NUP155: variants seen among roughly 807,000 people sequenced by gnomAD.
NUP155 encodes nucleoporin 155.
NUP155 carries 71 observed loss-of-function variants against 180.4 expected under a neutral mutation model. The ratio of observed to expected loss-of-function variants is 0.39; its 90% CI spans 0.33 to 0.48. NUP155 has a LOEUF of 0.48. Ranked by LOEUF, NUP155 falls within the 20% of genes least tolerant of loss-of-function variation. The pLI is 0.91. For missense variants in NUP155, 1,553 were observed against 1,648.9 expected, an observed-to-expected ratio of 0.94 and a Z score of 1.01; for synonymous variants, 582 against 559.5, an observed-to-expected ratio of 1.04 and a Z score of -0.57.
chr5:37,338,830 A>T lies in NUP155; in HGVS notation c.1247-912T>A, dbSNP rs962718971. On this transcript the variant is annotated intron_variant, in intron 11 of 34. Coordinates refer to ENST00000231498, the MANE Select transcript of NUP155 (RefSeq NM_153485.3). ...TAAACTGTATTTCTCTCAGATAAACATTTTTTTTTCACATTTTAGCATTTC... is the reference window on the plus strand; with the variant it reads ...TAAACTGTATTTCTCTCAGATAAACTTTTTTTTTTCACATTTTAGCATTTC... Among the ~76,000 whole-genome samples the T allele has an allele frequency of 2.0e-5, 3 of 151,182 alleles. No individual in the cohort carries two copies. The East Asian group carries it at 5.8e-4, about 29-fold the overall frequency.
At chr5:37,312,739 G>C (rs1743605137) in intron 22 of NUP155, among the ~76,000 whole-genome samples, 1 of 152,162 alleles carries the variant, frequency 6.6e-6, no homozygotes, top group African/African-American at 2.4e-5. Flanking sequence ...TAAAGTAGGA[G>C]AATCACTGGA....
chr5:37,361,608 T>C (rs968060036), intron 3 of NUP155, among the ~76,000 whole-genome samples: 6 of 152,136 alleles, frequency 3.9e-5, no homozygotes, highest in African/African-American at 1.2e-4. Context: ...GCTGAGATAT[T>C]TGGGGGTTAG....
In NUP155 at chr5:37,358,941, C is replaced by G. The variant is rs377154693; in HGVS notation, c.393-790G>C. Among the ~76,000 whole-genome samples, 63 of 149,488 alleles carry G rather than the reference C, an allele frequency of 4.2e-4. 1 individual carries two copies. The East Asian group carries it at 0.012, about 30-fold the overall frequency. On this transcript the variant is annotated intron_variant, in intron 3 of 34. Transcript: ENST00000231498. ...GTGAGGCAGGAGAATCACTTGAACC[C>G]GGGAGGCAGAGTTGCAGTGAGCCGA...
intron 9 of NUP155, among the ~76,000 whole-genome samples, chr5:37,348,166 T>C (rs1209347135): frequency 1.3e-5 from 2 of 152,000 alleles, no homozygotes; most frequent in Non-Finnish European, 2.9e-5. Context: ...TAGCCAGGCA[T>C]GGTGGCAGGC....
At position 37,330,054 on chromosome 5, in the gene NUP155, T is replaced by C; in HGVS notation, c.1708A>G (p.Thr570Ala). The change falls in exon 15 of 35, where the codon ACT becomes GCT. Residue 570 changes from threonine (T) to alanine (A), a missense_variant. Transcript: ENST00000231498. ...ACDREVSAWA[T>A]RAFFRYGGEA... ...TTCACATACCTAAAGAAAGCCCGAG[T>C]AGCCCAGGCAGATACTTCTCTATCA... 1 of 1,612,920 alleles carries C rather than the reference T, an allele frequency of 6.2e-7. No individual in the cohort carries two copies. Among genetic ancestry groups the C allele is most frequent in the Non-Finnish European group, 8.5e-7 (1 of 1,179,218 alleles).
chr5:37,303,321 C>T lies in NUP155; in HGVS notation c.3256G>A (p.Glu1086Lys), dbSNP rs774103498. 8.7e-6 allele frequency: 14 copies of T among 1,613,992 alleles called. No individual in the cohort carries two copies. The highest frequency in any genetic ancestry group is 5.0e-5 in the Admixed American group (3 of 60,002). ...GCATTACTGAAACTTCTGTTCTTCTCGTAATACCGCCAGAGTAAATCCATA... is the reference window on the plus strand; with the variant it reads ...GCATTACTGAAACTTCTGTTCTTCTTGTAATACCGCCAGAGTAAATCCATA... ...RYMDLLWRYY[E>K]KNRSFSNAAR... The change falls in exon 28 of 35, where the codon GAG (glutamate) becomes AAG (lysine). Residue 1086 changes from glutamate to lysine, a missense_variant. Physicochemically the swap from Glu to Lys is moderately conservative, Grantham distance 56. Coordinates refer to ENST00000231498, the MANE Select transcript of NUP155 (RefSeq NM_153485.3).
chr5:37,348,267 G>C (rs985174997), intron 9 of NUP155, among the ~76,000 whole-genome samples: 1 of 152,002 alleles, frequency 6.6e-6, no homozygotes, highest in Non-Finnish European at 1.5e-5. Flanking sequence ...TTGTGTCACT[G>C]CACTCCAGCC....
At position 37,328,367 on chromosome 5, in the gene NUP155, G is replaced by C; in HGVS notation, c.1867C>G (p.Pro623Ala). Residue 623 changes from proline (P) to alanine (A), a missense_variant, in exon 17 of 35, where the codon CCG (proline) becomes GCG (alanine). Transcript: ENST00000231498. ...CAAAGAAAAGAGGTACCATGAGACG[G>C]TGTTCCCAAAAAGGATGGATTTGGA... ...PYPNPSFLGT[P>A]SHGIQPPAMS... The C allele has an allele frequency of 1.0e-5, 16 of 1,607,902 alleles. No individual in the cohort carries two copies. Among genetic ancestry groups the C allele is most frequent in the Non-Finnish European group, 1.4e-5 (16 of 1,174,434 alleles).
chr5:37,299,554 A>G lies in NUP155; in HGVS notation c.3576T>C (p.Phe1192=). 6.2e-7 allele frequency: 1 copy of G among 1,614,102 alleles called. No homozygotes were observed. Among genetic ancestry groups the G allele is most frequent in the African/African-American group, 1.3e-5 (1 of 75,052 alleles). Residue 1192 remains phenylalanine, a synonymous_variant, in exon 31 of 35, where the codon TTT becomes TTC. Coordinates refer to ENST00000231498, the MANE Select transcript of NUP155 (RefSeq NM_153485.3). Reference sequence around the variant, plus strand: ...ACTCTGCAAGTTTAAATGGGTCAGCAAATTCCCCATAAAGCTGTGAGAGAA... The same window carrying G: ...ACTCTGCAAGTTTAAATGGGTCAGCGAATTCCCCATAAAGCTGTGAGAGAA... ...LMDITKLYGE[F]ADPFKLAECK...
chr5:37,307,417 C>T lies in NUP155; in HGVS notation c.2783G>A (p.Gly928Asp). ...AGCCGTAAGAGAAAGTTCCACCACA[C>T]CCTCATAAAATCTCACTGATGGGAA... ...AQYRQVRFYE[G>D]VVELSLTAAE... The change falls in exon 25 of 35, where the codon GGT (glycine) becomes GAT (aspartate). Residue 928 changes from glycine (G) to aspartate (D), a missense_variant. Physicochemically the swap from Gly to Asp is moderately conservative, Grantham distance 94. Transcript: ENST00000231498. 1 of 1,613,938 alleles carries T rather than the reference C, an allele frequency of 6.2e-7. No individual in the cohort carries two copies. The highest frequency in any genetic ancestry group is 8.5e-7 in the Non-Finnish European group (1 of 1,179,954).
chr5:37,332,859 ATG>A (rs1364100258), intron 13 of NUP155, among the ~76,000 whole-genome samples: 5 of 149,872 alleles, frequency 3.3e-5, no homozygotes, highest in Non-Finnish European at 7.4e-5. Flanking sequence ...CAGGAGGCTG[ATG>A]TGGGAGGATC....
At chr5:37,300,008 ACT>A (rs796627132) in intron 30 of NUP155, among the ~76,000 whole-genome samples, 3 of 143,160 alleles carry the variant, frequency 2.1e-5, no homozygotes, top group Admixed American at 7.4e-5. Context: ...ACAGAGAAAG[ACT>A]CTGTCTCCCC....
Position 37,368,371 on chromosome 5 carries a change from C to T in NUP155, c.157+2450G>A, listed in dbSNP as rs1346585589. Among the ~76,000 whole-genome samples, 7 of 151,934 alleles carry T rather than the reference C, an allele frequency of 4.6e-5. No individual in the cohort carries two copies. The East Asian group carries it at 9.7e-4, about 21-fold the overall frequency. ...AGTAGCTGGGGGTCCAAGTGTGTGTCACCATGCCAAGCTAATTTTTGTATT... is the reference window on the plus strand; with the variant it reads ...AGTAGCTGGGGGTCCAAGTGTGTGTTACCATGCCAAGCTAATTTTTGTATT... On this transcript the variant is annotated intron_variant, in intron 1 of 34. Coordinates refer to ENST00000231498, the MANE Select transcript of NUP155 (RefSeq NM_153485.3).
At chr5:37,357,201 T>A (rs1746883805) in intron 4 of NUP155, among the ~76,000 whole-genome samples, 2 of 149,742 alleles carry the variant, frequency 1.3e-5, no homozygotes, top group Non-Finnish European at 1.5e-5. Flanking sequence ...AGCACAGGAG[T>A]TCAAGACCAG....
Position 37,364,142 on chromosome 5 carries a change from C to G in NUP155, c.295+105G>C. 5 of 1,146,396 alleles carry G rather than the reference C, an allele frequency of 4.4e-6. No individual in the cohort carries two copies. In the South Asian group the frequency reaches 5.2e-5, roughly 12 times the overall value. 71.0% of individuals were successfully genotyped at this position (1,146,396 alleles called of 1,614,324 possible). ...TACTTAAACGAATTTTAAATAAAAC[C>G]CTTAAATGAATATATAACACATTAA... On this transcript the variant is annotated intron_variant, in intron 2 of 34. Coordinates refer to ENST00000231498, the MANE Select transcript of NUP155 (RefSeq NM_153485.3).
Position 37,307,293 on chromosome 5 carries a change from G to A in NUP155, c.2903+4C>T. The stretch of plus-strand genomic sequence containing the variant: ...TGACAATCTGCTAACGTAATGGAAT[G>A]CACCTTTCTTGGAAGGCCTGAAGTC... On this transcript the variant is annotated splice_donor_region_variant and intron_variant, in intron 25 of 34. Coordinates refer to ENST00000231498, the MANE Select transcript of NUP155 (RefSeq NM_153485.3). The A allele has an allele frequency of 6.2e-7, 1 of 1,613,392 alleles. No homozygotes were observed. Among genetic ancestry groups the A allele is most frequent in the Non-Finnish European group, 8.5e-7 (1 of 1,179,552 alleles).
At chr5:37,333,661 C>T (rs774576055) in intron 12 of NUP155, 28 bp from the exon 13 acceptor site, 2 of 1,579,296 alleles carry the variant, frequency 1.3e-6, no homozygotes, top group Middle Eastern at 2.0e-4. Context: ...ATGTTTTATA[C>T]ATCATATTGA....
intron 3 of NUP155, among the ~76,000 whole-genome samples, chr5:37,363,678 T>C (rs1318283484): frequency 6.6e-6 from 1 of 152,162 alleles, no homozygotes; most frequent in African/African-American, 2.4e-5. Flanking sequence ...GTTGGCAGCT[T>C]GTTAGAAATG....
At chr5:37,316,821 G>C (rs930250129) in intron 21 of NUP155, among the ~76,000 whole-genome samples, 1 of 151,240 alleles carries the variant, frequency 6.6e-6, no homozygotes, top group African/African-American at 2.4e-5. Context: ...GCTGGTAATG[G>C]GTACATAAAA....
Sources: gnomAD v4.1 joint callset for allele counts (sites outside exome capture counted in the v4.1 genomes callset) on GRCh38, gnomAD v4.1.1 for gene constraint, MANE v1.5 for transcripts, NCBI Gene and HGNC (gene_info 2026-07-23, HGNC 2026-07-21) for gene names.